ANK3: variants seen among roughly 807,000 people sequenced by gnomAD.
The protein encoded by ANK3 is ankyrin 3, also known as ankyrin-3.
In ANK3, 57 loss-of-function variants were observed where a neutral mutation model predicts 370.9. The ratio of observed to expected loss-of-function variants is 0.15; its 90% CI spans 0.12 to 0.19. ANK3 has a LOEUF of 0.19. ANK3 is among the 10% of genes least tolerant of loss of function. The pLI, the probability that ANK3 is intolerant of heterozygous loss-of-function variation, is 1.00. For missense variants in ANK3, 4,439 were observed against 5,302.1 expected, an observed-to-expected ratio of 0.84 and a Z score of 5.06; for synonymous variants, 1,929 against 1,946.3, an observed-to-expected ratio of 0.99 and a Z score of 0.23.
At chr10:60,446,058 C>A (rs1367149462) in intron 2 of ANK3, among the ~76,000 whole-genome samples, 1 of 152,158 alleles carries the variant, frequency 6.6e-6, no homozygotes, top group Non-Finnish European at 1.5e-5. Flanking sequence ...TTGTGACCTG[C>A]TTTAAATACC....
intron 1 of ANK3, among the ~76,000 whole-genome samples, chr10:60,683,982 A>G (rs1232314151): frequency 6.6e-6 from 1 of 152,250 alleles, no homozygotes; most frequent in Non-Finnish European, 1.5e-5. Flanking sequence ...AAATACCGTC[A>G]TTCTCTAAGA....
chr10:60,661,352 TA>T (rs1326627756), intron 1 of ANK3, among the ~76,000 whole-genome samples: 1 of 152,084 alleles, frequency 6.6e-6, no homozygotes, highest in East Asian at 1.9e-4. Flanking sequence ...GAGCCAGAAA[TA>T]AAACTACTGT....
At chr10:60,051,664 C>CTTTTT (rs35764181) in intron 42 of ANK3, 15 of 151,738 alleles carry the variant, frequency 9.9e-5, no homozygotes, top group African/African-American at 1.3e-4. Flanking sequence ...ATGTTTTCTT[C>CTTTTT]TTTTTTTTTT....
intron 1 of ANK3, among the ~76,000 whole-genome samples, chr10:60,378,008 C>CTAATCAAT (rs1178712937): frequency 2.0e-5 from 3 of 152,166 alleles, no homozygotes; most frequent in African/African-American, 7.2e-5. Flanking sequence ...CTGTTTTTGT[C>CTAATCAAT]TAATCAATTT....
chr10:60,663,930 G>C (rs2078966865), intron 1 of ANK3, among the ~76,000 whole-genome samples: 1 of 152,240 alleles, frequency 6.6e-6, no homozygotes, highest in Admixed American at 6.5e-5. Flanking sequence ...AAATGAGACA[G>C]ATGAAAGGGC....
intron 1 of ANK3, among the ~76,000 whole-genome samples, chr10:60,289,107 G>T (rs753984002): frequency 5.3e-5 from 8 of 152,066 alleles, no homozygotes; most frequent in Admixed American, 5.2e-4. Context: ...ACCTAGGGGG[G>T]CTAGCTGTGG....
Position 60,068,968 on chromosome 10 carries a change from A to AGTGGTG in ANK3, c.11907_11912dup (p.Thr3977_Thr3978dup). On this transcript the variant is annotated inframe_insertion, in exon 37 of 44. Coordinates refer to ENST00000280772, the MANE Select transcript of ANK3 (RefSeq NM_020987.5). ...AGCTGGTGGTGGTGGTAGTGGTGGT[A>AGTGGTG]GTGGTGGTGGTGGTGGCAGTGGTGG... is the stretch of plus-strand genomic sequence containing the variant. The AGTGGTG allele has an allele frequency of 6.2e-7, 1 of 1,612,778 alleles. No homozygotes were observed. The highest frequency in any genetic ancestry group is 1.1e-5 in the South Asian group (1 of 91,012).
intron 2 of ANK3, among the ~76,000 whole-genome samples, chr10:60,591,606 G>A (rs1194554799): frequency 6.6e-6 from 1 of 151,948 alleles, no homozygotes; most frequent in Non-Finnish European, 1.5e-5. Flanking sequence ...TCAGTATATC[G>A]ACAAGATATC....
Position 60,071,201 on chromosome 10 carries a change from G to A in ANK3, c.9680C>T (p.Ala3227Val). ...GTCATTAGGCATTTCACGCTCAACT[G>A]CTGTTTCCTCCACTGTAGTCTGCTT... is the stretch of plus-strand genomic sequence containing the variant. ...SLKQTTVEET[A>V]VEREMPNDVS... is the part of the protein sequence containing the mutation. Residue 3227 changes from alanine (A) to valine (V), a missense_variant, in exon 37 of 44, where the codon GCA (alanine) becomes GTA (valine). By Grantham distance (64) the Ala-to-Val change is moderately conservative (BLOSUM62 0). Coordinates refer to ENST00000280772, the MANE Select transcript of ANK3 (RefSeq NM_020987.5). 6.2e-7 allele frequency: 1 copy of A among 1,614,096 alleles called. No individual in the cohort carries two copies. The highest frequency in any genetic ancestry group is 8.5e-7 in the Non-Finnish European group (1 of 1,180,018).
intron 43 of ANK3, among the ~76,000 whole-genome samples, chr10:60,036,423 T>C (rs977340658): frequency 1.0e-4 from 2 of 19,246 alleles, no homozygotes; most frequent in Non-Finnish European, 2.3e-4. Flanking sequence ...TCAGAGGCAA[T>C]TTTTTTTTTT....
chr10:60,333,551 G>C (rs79448368), intron 1 of ANK3, among the ~76,000 whole-genome samples: 1 of 152,196 alleles, frequency 6.6e-6, no homozygotes, highest in Non-Finnish European at 1.5e-5. Flanking sequence ...GTCTAACATT[G>C]ATGGGCATTT....
chr10:60,455,045 A>G (rs1263075859), intron 2 of ANK3, among the ~76,000 whole-genome samples: 1 of 152,188 alleles, frequency 6.6e-6, no homozygotes, highest in Admixed American at 6.6e-5. Context: ...TTGCTGTTAA[A>G]ATGTTTTTAA....
chr10:60,213,266 A>C (rs2096884189), intron 9 of ANK3, 146 bp downstream of exon 9: 1 of 512,874 alleles, frequency 1.9e-6, no homozygotes, highest in East Asian at 3.2e-5. Context: ...GCCCAAACTT[A>C]TTCTGAGGTT....
chr10:60,539,169 C>G (rs1342180610), intron 2 of ANK3, among the ~76,000 whole-genome samples: 1 of 151,792 alleles, frequency 6.6e-6, no homozygotes, highest in Non-Finnish European at 1.5e-5. Flanking sequence ...CTTGAAATGT[C>G]ACAATTATGT....
At chr10:60,059,664 C>T (rs2079947037) in intron 40 of ANK3, 1 of 1,575,770 alleles carries the variant, frequency 6.3e-7, no homozygotes, top group Non-Finnish European at 8.6e-7. Flanking sequence ...TTTTGGGGAC[C>T]CAGCCAAATT....
intron 1 of ANK3, among the ~76,000 whole-genome samples, chr10:60,367,719 C>G (rs2059577445): frequency 6.6e-6 from 1 of 152,188 alleles, no homozygotes; most frequent in Non-Finnish European, 1.5e-5. Flanking sequence ...ATTCATTTCC[C>G]CCTGCTGCAC....
At chr10:60,096,872 A>G (rs765370276) in intron 28 of ANK3, among the ~76,000 whole-genome samples, 3 of 152,232 alleles carry the variant, frequency 2.0e-5, no homozygotes, top group Non-Finnish European at 4.4e-5. Context: ...AGTTGCTGTA[A>G]AGTAAACAAT....
Position 60,073,343 on chromosome 10 carries a change from T to A in ANK3, c.7538A>T (p.Glu2513Val). The A allele has an allele frequency of 6.2e-7, 1 of 1,613,998 alleles. No individual in the cohort carries two copies. Among genetic ancestry groups the A allele is most frequent in the Non-Finnish European group, 8.5e-7 (1 of 1,180,002 alleles). Residue 2513 changes from glutamate (E) to valine (V), a missense_variant, in exon 37 of 44, where the codon GAA becomes GTA. Transcript: ENST00000280772. ...REKIATAPKK[E>V]ILSKIYKDVS... ...ATCTTTATAGATTTTGGAGAGAATT[T>A]CTTTTTTGGGGGCAGTGGCTATTTT...
At chr10:60,308,906 C>T (rs1347758336) in intron 1 of ANK3, among the ~76,000 whole-genome samples, 7 of 152,064 alleles carry the variant, frequency 4.6e-5, no homozygotes, top group Admixed American at 6.5e-5. Flanking sequence ...ACTTTTGCTT[C>T]GGGTGCTGTT....
Sources: allele counts gnomAD v4.1 joint callset (sites outside exome capture counted in the v4.1 genomes callset), GRCh38; gene constraint gnomAD v4.1.1; transcripts MANE v1.5; gene names NCBI Gene and HGNC (gene_info 2026-07-23, HGNC 2026-07-21).